The following HS6ST3 variants were observed in gnomAD, a reference collection of about 807,000 sequenced individuals.
The protein encoded by HS6ST3 is heparan sulfate 6-O-sulfotransferase 3.
HS6ST3 carries 12 observed loss-of-function variants against 36.7 expected under a neutral mutation model. The ratio of observed to expected loss-of-function variants is 0.33; its 90% confidence interval spans 0.21 to 0.53. The LOEUF is 0.53. HS6ST3 is among the 20% of genes least tolerant of loss of function. The probability of loss-of-function intolerance (pLI) is 0.95; values close to 1 mark genes in which losing one functional copy is unlikely to be tolerated. For missense variants in HS6ST3, 584 were observed against 640.9 expected, an observed-to-expected ratio of 0.91 and a Z score of 0.96; for synonymous variants, 240 against 257.5, an observed-to-expected ratio of 0.93 and a Z score of 0.65.
intron 1 of HS6ST3, among the ~76,000 whole-genome samples, chr13:96,609,932 C>G (rs995683625): frequency 6.6e-6 from 1 of 152,186 alleles, no homozygotes; most frequent in Admixed American, 6.5e-5. Context: ...AACTTCCTTT[C>G]TCTTTTACAG....
intron 1 of HS6ST3, among the ~76,000 whole-genome samples, chr13:96,201,950 T>C (rs1259839078): frequency 1.3e-5 from 2 of 152,204 alleles, no homozygotes; most frequent in Non-Finnish European, 2.9e-5. Context: ...ACTGGGCCCT[T>C]AAAATTAAGA....
intron 1 of HS6ST3, among the ~76,000 whole-genome samples, chr13:96,330,814 G>T (rs1220502849): frequency 6.6e-6 from 1 of 150,740 alleles, no homozygotes; most frequent in South Asian, 2.1e-4. Flanking sequence ...TCACTTTCAG[G>T]TACACCAATC....
At chr13:96,415,158 T>G (rs1385209145) in intron 1 of HS6ST3, among the ~76,000 whole-genome samples, 2 of 152,230 alleles carry the variant, frequency 1.3e-5, no homozygotes, top group Non-Finnish European at 2.9e-5. Flanking sequence ...TTCAACCATT[T>G]TGAATCTTCT....
chr13:96,774,962 C>T (rs1241892904), intron 1 of HS6ST3, among the ~76,000 whole-genome samples: 1 of 152,156 alleles, frequency 6.6e-6, no homozygotes, highest in Non-Finnish European at 1.5e-5. Context: ...AAGGGAAGCC[C>T]ACCAGACTAA....
intron 1 of HS6ST3, among the ~76,000 whole-genome samples, chr13:96,361,665 G>A (rs887021226): frequency 2.0e-5 from 3 of 152,104 alleles, no homozygotes; most frequent in African/African-American, 7.2e-5. Flanking sequence ...ATCAGAAGCT[G>A]GAAGCAAGTG....
intron 1 of HS6ST3, among the ~76,000 whole-genome samples, chr13:96,678,556 T>C (rs2056707102): frequency 6.6e-6 from 1 of 151,858 alleles, no homozygotes; most frequent in African/African-American, 2.4e-5. Context: ...GTGCCTGTAA[T>C]CCCAGCTACT....
intron 1 of HS6ST3, among the ~76,000 whole-genome samples, chr13:96,799,936 A>ATGTG (rs777663074): frequency 8.1e-6 from 1 of 123,582 alleles, no homozygotes; most frequent in African/African-American, 3.3e-5. Flanking sequence ...GAATACATAT[A>ATGTG]TGTGTGTGTA....
At chr13:96,092,280 G>T (rs1246680343) in intron 1 of HS6ST3, among the ~76,000 whole-genome samples, 2 of 152,118 alleles carry the variant, frequency 1.3e-5, no homozygotes, top group Non-Finnish European at 2.9e-5. Context: ...TGCCTACAGG[G>T]TGCCTGACAG....
chr13:96,621,132 G>C (rs1429967402), intron 1 of HS6ST3, among the ~76,000 whole-genome samples: 2 of 152,170 alleles, frequency 1.3e-5, no homozygotes, highest in South Asian at 4.1e-4. Flanking sequence ...GGAGCAAGGG[G>C]GCTCTTTTCT....
At chr13:96,412,408 G>T (rs541715265) in intron 1 of HS6ST3, among the ~76,000 whole-genome samples, 1 of 152,190 alleles carries the variant, frequency 6.6e-6, no homozygotes, top group East Asian at 1.9e-4. Flanking sequence ...TCAAGGGTGG[G>T]AAGGAGAACA....
At chr13:96,229,397 T>C (rs939306581) in intron 1 of HS6ST3, among the ~76,000 whole-genome samples, 1 of 152,184 alleles carries the variant, frequency 6.6e-6, no homozygotes, top group African/African-American at 2.4e-5. Context: ...CACTTATCTC[T>C]CACAGTTCTG....
At chr13:96,406,996 A>T (rs1460834618) in intron 1 of HS6ST3, among the ~76,000 whole-genome samples, 1 of 152,218 alleles carries the variant, frequency 6.6e-6, no homozygotes, top group Admixed American at 6.5e-5. Context: ...CCTGATGGTC[A>T]TTCTATAATT....
intron 1 of HS6ST3, among the ~76,000 whole-genome samples, chr13:96,285,547 G>C (rs2054797482): frequency 6.6e-6 from 1 of 152,054 alleles, no homozygotes. Context: ...GAGAGAAATT[G>C]GTGTTCTGAG....
rs192422453 is a variant in HS6ST3, at chr13:96,236,478, C to A, written c.707+144909C>A. 1.4e-3 allele frequency among the ~76,000 whole-genome samples: 211 copies of A among 152,212 alleles called. 3 individuals carry two copies. Among genetic ancestry groups the A allele is most frequent in the Non-Finnish European group, 4.1e-4 (28 of 68,006 alleles). On this transcript the variant is annotated intron_variant, in intron 1 of 1. Coordinates refer to ENST00000376705, the MANE Select transcript of HS6ST3 (RefSeq NM_153456.4). The stretch of plus-strand genomic sequence containing the variant: ...CTCACTGTCCATTCCTCACCTCTGC[C>A]ACTCTCTCTTCACTTTCCTCCATAC...
Position 96,315,155 on chromosome 13 carries a change from A to G in HS6ST3, c.707+223586A>G, listed in dbSNP as rs1054630377. Among the ~76,000 whole-genome samples the G allele has an allele frequency of 2.0e-5, 3 of 152,324 alleles. No individual in the cohort carries two copies. In the East Asian group the frequency reaches 5.8e-4, roughly 29 times the overall value. On this transcript the variant is annotated intron_variant, in intron 1 of 1. Coordinates refer to ENST00000376705, the MANE Select transcript of HS6ST3 (RefSeq NM_153456.4). Reference sequence around the variant, plus strand: ...GGAGAAAATCAGTGACTCATAACATACTACACCCAGTGTCTGCACAAAGGA... The same window carrying G: ...GGAGAAAATCAGTGACTCATAACATGCTACACCCAGTGTCTGCACAAAGGA...
intron 1 of HS6ST3, among the ~76,000 whole-genome samples, chr13:96,730,758 C>T (rs754458247): frequency 6.6e-6 from 1 of 151,514 alleles, no homozygotes; most frequent in African/African-American, 2.4e-5. Flanking sequence ...TGTAGAGATG[C>T]GGTTTCACTC....
chr13:96,093,015 AT>A (rs1347279981), intron 1 of HS6ST3, among the ~76,000 whole-genome samples: 7 of 152,276 alleles, frequency 4.6e-5, no homozygotes, highest in African/African-American at 1.7e-4. Context: ...TCAATTAAGT[AT>A]TACTTCCAAA....
At chr13:96,547,014 T>C (rs2056200391) in intron 1 of HS6ST3, among the ~76,000 whole-genome samples, 1 of 152,126 alleles carries the variant, frequency 6.6e-6, no homozygotes, top group South Asian at 2.1e-4. Flanking sequence ...AAATGGTAAA[T>C]TATAGAAACA....
chr13:96,765,313 CTG>C (rs1190986945), intron 1 of HS6ST3, among the ~76,000 whole-genome samples: 2 of 152,006 alleles, frequency 1.3e-5, no homozygotes, highest in Non-Finnish European at 2.9e-5. Flanking sequence ...ACCTCCTGAT[CTG>C]CCCTCCTTGG....
Sources: gnomAD v4.1 joint callset for allele counts (sites outside exome capture counted in the v4.1 genomes callset) on GRCh38, gnomAD v4.1.1 for gene constraint, MANE v1.5 for transcripts, NCBI Gene and HGNC (gene_info 2026-07-23, HGNC 2026-07-21) for gene names.